The following ANO6 variants were observed in gnomAD, a reference collection of about 807,000 sequenced individuals.
ANO6 encodes anoctamin-6.
Under a neutral mutation model 117.5 loss-of-function variants are expected in ANO6, and 106 were observed. The ratio of observed to expected loss-of-function variants is 0.90; its 90% CI spans 0.77 to 1.06. ANO6 has a LOEUF of 1.06. ANO6 is among the 50% of genes least tolerant of loss of function. ANO6 has a pLI of 0.00. For missense variants in ANO6, 955 were observed against 1,121.1 expected (o/e 0.85, Z 2.12); for synonymous variants, 367 against 385.1 (o/e 0.95, Z 0.55).
chr12:45,316,126 A>C (rs1940016737), intron 2 of ANO6, among the ~76,000 whole-genome samples: 1 of 152,122 alleles, frequency 6.6e-6, no homozygotes, highest in Non-Finnish European at 1.5e-5. Flanking sequence ...TCACAGGATA[A>C]AGGGTTAATT....
intron 2 of ANO6, among the ~76,000 whole-genome samples, chr12:45,324,409 C>CT (rs1940393317): frequency 1.3e-5 from 2 of 152,224 alleles, no homozygotes; most frequent in Admixed American, 1.3e-4. Flanking sequence ...CGTCACAATC[C>CT]TTTGCTTTGC....
intron 1 of ANO6, among the ~76,000 whole-genome samples, chr12:45,296,107 C>T (rs1468361065): frequency 1.3e-5 from 2 of 152,060 alleles, no homozygotes; most frequent in South Asian, 2.1e-4. Flanking sequence ...GTGATCCAAC[C>T]GTGTGGTTGC....
chr12:45,228,922 C>T (rs1183390039), intron 1 of ANO6, among the ~76,000 whole-genome samples: 1 of 152,066 alleles, frequency 6.6e-6, no homozygotes, highest in African/African-American at 2.4e-5. Context: ...TCTCATCCAC[C>T]CTCATATCCC....
At chr12:45,296,096 G>T (rs1205018125) in intron 1 of ANO6, among the ~76,000 whole-genome samples, 1 of 152,128 alleles carries the variant, frequency 6.6e-6, no homozygotes, top group African/African-American at 2.4e-5. Flanking sequence ...CCTGGTGTCA[G>T]GTGATCCAAC....
chr12:45,333,289 T>G (rs567491406), intron 3 of ANO6, among the ~76,000 whole-genome samples: 58 of 152,190 alleles, frequency 3.8e-4, no homozygotes, highest in African/African-American at 1.3e-3. Flanking sequence ...TTATACAATT[T>G]TATCACTAAA....
chr12:45,421,309 A>G, intron 18 of ANO6, 36 bp downstream of exon 18: 3 of 1,594,466 alleles, frequency 1.9e-6, no homozygotes, highest in Non-Finnish European at 2.6e-6. Context: ...AATGCACTTC[A>G]TCTTTAAAAG....
intron 1 of ANO6, among the ~76,000 whole-genome samples, chr12:45,281,837 G>A (rs751985458): frequency 3.9e-4 from 60 of 152,314 alleles, no homozygotes; most frequent in Non-Finnish European, 3.1e-4. Flanking sequence ...AAAGTACTGG[G>A]TCAGAATTTT....
intron 8 of ANO6, among the ~76,000 whole-genome samples, chr12:45,362,206 T>C (rs1941573983): frequency 6.6e-6 from 1 of 152,124 alleles, no homozygotes. Context: ...TATTTTTGCT[T>C]GAGTTACCTT....
chr12:45,273,260 A>C (rs908899067), intron 1 of ANO6, among the ~76,000 whole-genome samples: 5 of 152,172 alleles, frequency 3.3e-5, no homozygotes, highest in African/African-American at 1.2e-4. Flanking sequence ...TGATTGTGGT[A>C]ATTGTTACAC....
At chr12:45,305,228 A>G (rs1018715333) in intron 2 of ANO6, among the ~76,000 whole-genome samples, 1 of 152,196 alleles carries the variant, frequency 6.6e-6, no homozygotes, top group Non-Finnish European at 1.5e-5. Context: ...TGTGTGGGTA[A>G]GAGTCCAGGT....
At chr12:45,246,755 CCTA>C (rs1393705411) in intron 1 of ANO6, among the ~76,000 whole-genome samples, 2 of 150,196 alleles carry the variant, frequency 1.3e-5, no homozygotes, top group African/African-American at 4.9e-5. Context: ...CTAGTTCCAC[CCTA>C]CTTTTTTTTT....
At chr12:45,371,906 T>C (rs1201237450) in intron 9 of ANO6, among the ~76,000 whole-genome samples, 5 of 151,636 alleles carry the variant, frequency 3.3e-5, no homozygotes, top group African/African-American at 1.2e-4. Context: ...GACGATCAAA[T>C]TACTCTGAGC....
chr12:45,329,970 G>A (rs564572384), intron 2 of ANO6, among the ~76,000 whole-genome samples: 2 of 152,072 alleles, frequency 1.3e-5, no homozygotes, highest in Non-Finnish European at 2.9e-5. Context: ...TATAAGAATT[G>A]GATAGTGATA....
At chr12:45,263,210 T>C (rs1164881758) in intron 1 of ANO6, among the ~76,000 whole-genome samples, 1 of 151,854 alleles carries the variant, frequency 6.6e-6, no homozygotes, top group Non-Finnish European at 1.5e-5. Flanking sequence ...CGGTACAAGA[T>C]GTTCTATTTT....
At chr12:45,413,749 G>A (rs531743273) in intron 16 of ANO6, among the ~76,000 whole-genome samples, 14 of 152,206 alleles carry the variant, frequency 9.2e-5, no homozygotes, top group Admixed American at 1.3e-4. Flanking sequence ...TGGAAAAGGG[G>A]CATAATGGGA....
intron 1 of ANO6, among the ~76,000 whole-genome samples, chr12:45,287,128 G>A (rs1322878117): frequency 6.6e-6 from 1 of 152,224 alleles, no homozygotes; most frequent in African/African-American, 2.4e-5. Flanking sequence ...CTAAAGGAAA[G>A]TACAGCAGGG....
chr12:45,350,066 T>A (rs1941241079), intron 6 of ANO6, among the ~76,000 whole-genome samples: 1 of 152,086 alleles, frequency 6.6e-6, no homozygotes. Context: ...CTGGTTCTAG[T>A]GCCAGAAGAA....
At chr12:45,244,916 C>A (rs976175174) in intron 1 of ANO6, among the ~76,000 whole-genome samples, 3 of 152,198 alleles carry the variant, frequency 2.0e-5, no homozygotes, top group African/African-American at 7.2e-5. Context: ...ATGGCCTGAA[C>A]AATTAATGCG....
intron 3 of ANO6, among the ~76,000 whole-genome samples, chr12:45,332,984 A>C (rs1047487992): frequency 9.2e-5 from 14 of 151,832 alleles, no homozygotes; most frequent in South Asian, 2.1e-4. Flanking sequence ...TTTATGTTTG[A>C]CATCTCTAAA....
Sources: allele counts gnomAD v4.1 joint callset (sites outside exome capture counted in the v4.1 genomes callset), GRCh38; gene constraint gnomAD v4.1.1; transcripts MANE v1.5; gene names NCBI Gene and HGNC (gene_info 2026-07-23, HGNC 2026-07-21).